The following IL12RB1 variants were observed in gnomAD, a reference collection of about 807,000 sequenced individuals.
IL12RB1 encodes the protein interleukin 12 receptor subunit beta 1.
A neutral mutation model predicts 94.4 loss-of-function variants in IL12RB1; 64 were observed. That is an observed-to-expected ratio of 0.68 (90% CI 0.55 to 0.83). IL12RB1 has a LOEUF of 0.83. IL12RB1 is among the 40% of genes least tolerant of loss of function. The pLI is 0.00. For missense variants in IL12RB1, 814 were observed against 855.6 expected, an observed-to-expected ratio of 0.95 and a Z score of 0.61; for synonymous variants, 362 against 355.5, an observed-to-expected ratio of 1.02 and a Z score of -0.21.
At chr19:18,079,045 A>G (rs905149819) in intron 4 of IL12RB1, among the ~76,000 whole-genome samples, 1 of 151,972 alleles carries the variant, frequency 6.6e-6, no homozygotes, top group Non-Finnish European at 1.5e-5. Context: ...TTAAAAATAT[A>G]TATACATATC....
chr19:18,071,362 C>T (rs1015980202), intron 9 of IL12RB1: 5 of 1,017,108 alleles, frequency 4.9e-6, no homozygotes, highest in Non-Finnish European at 5.4e-6. Context: ...GAAATTAGAT[C>T]TTAAATAAAC....
intron 7 of IL12RB1, among the ~76,000 whole-genome samples, chr19:18,074,200 CAG>C (rs2035280991): frequency 6.6e-6 from 1 of 152,140 alleles, no homozygotes; most frequent in South Asian, 2.1e-4. Context: ...AGACTAGAGA[CAG>C]AGTCTCGTTT....
intron 10 of IL12RB1, 21 bp downstream of exon 10, chr19:18,069,525 C>T (rs749610734): frequency 8.2e-6 from 13 of 1,590,710 alleles, no homozygotes; most frequent in Non-Finnish European, 9.4e-6. Context: ...GGGGTAGGCG[C>T]AGGCCATTCC....
At chr19:18,061,296 T>C in intron 14 of IL12RB1, 99 bp from the exon 15 acceptor site, 1 of 624,384 alleles carries the variant, frequency 1.6e-6, no homozygotes, top group East Asian at 2.8e-5. Context: ...AGTGGCGCGA[T>C]CTCGGCTCAC....
At position 18,086,884 on chromosome 19, in the gene IL12RB1, C is replaced by T; in HGVS notation, c.-61G>A. Reference sequence around the variant, plus strand: ...CTCTCTGCCACCTGCGAGGTTCAGCCACCCCGTCCCCACTCCGGAACACAT... The same window carrying T: ...CTCTCTGCCACCTGCGAGGTTCAGCTACCCCGTCCCCACTCCGGAACACAT... On this transcript the variant is annotated 5_prime_UTR_variant, in exon 1 of 17. The change creates a premature stop within an existing upstream ORF in the 5' untranslated region. Coordinates refer to ENST00000593993, the MANE Select transcript of IL12RB1 (RefSeq NM_005535.3). The T allele has an allele frequency of 1.3e-6, 2 of 1,581,658 alleles. No homozygotes were observed. The highest frequency in any genetic ancestry group is 1.7e-6 in the Non-Finnish European group (2 of 1,163,030).
intron 1 of IL12RB1, among the ~76,000 whole-genome samples, chr19:18,093,826 C>G (rs2036755732): frequency 6.6e-6 from 1 of 152,152 alleles, no homozygotes; most frequent in African/African-American, 2.4e-5. Context: ...GCCTGAAGTT[C>G]ACTTAGTGTA....
At chr19:18,080,252 G>T (rs978825008) in intron 4 of IL12RB1, among the ~76,000 whole-genome samples, 2 of 151,552 alleles carry the variant, frequency 1.3e-5, no homozygotes, top group African/African-American at 4.8e-5. Flanking sequence ...TGTTGCTGTT[G>T]TTTTTTAGAT....
chr19:18,073,538 C>A lies in IL12RB1; in HGVS notation c.762G>T (p.Arg254Ser). 6.2e-7 allele frequency: 1 copy of A among 1,611,676 alleles called. No individual in the cohort carries two copies. The highest frequency in any genetic ancestry group is 8.5e-7 in the Non-Finnish European group (1 of 1,177,912). Residue 254 changes from arginine (R) to serine (S), a missense_variant, in exon 8 of 17, where the codon AGG (arginine) becomes AGT (serine). Arg to Ser is a moderately radical substitution (Grantham distance 110). Coordinates refer to ENST00000593993, the MANE Select transcript of IL12RB1 (RefSeq NM_005535.3). ...TTACCTGCTCTTTCAGGGTCAGCCGCCTCCTCCCATCCTGGCCCAGCTGCT... is the reference window on the plus strand; with the variant it reads ...TTACCTGCTCTTTCAGGGTCAGCCGACTCCTCCCATCCTGGCCCAGCTGCT... The part of the protein sequence containing the change: ...SVEQLGQDGR[R>S]RLTLKEQPTQ...
chr19:18,077,943 T>C (rs961813535), intron 4 of IL12RB1, among the ~76,000 whole-genome samples: 2 of 152,112 alleles, frequency 1.3e-5, no homozygotes, highest in Non-Finnish European at 2.9e-5. Context: ...TGAGACCCCC[T>C]CATCTCTACA....
chr19:18,084,676 TCC>T (rs1407111809), intron 1 of IL12RB1, among the ~76,000 whole-genome samples: 9 of 151,930 alleles, frequency 5.9e-5, no homozygotes, highest in African/African-American at 1.9e-4. Context: ...CATCCATCCA[TCC>T]ATCCATCCAT....
rs773211120 is a variant in IL12RB1 at position 18,086,905 on chromosome 19, C to T, written c.-82G>A. 2.2e-5 allele frequency: 35 copies of T among 1,570,990 alleles called. No homozygotes were observed. The highest frequency in any genetic ancestry group is 2.7e-5 in the African/African-American group (2 of 73,322). ...CAGCCACCCCGTCCCCACTCCGGAA[C>T]ACATTGAAGCTGAGCAAGGAGAAAA... is the stretch of plus-strand genomic sequence containing the variant. On this transcript the variant is annotated 5_prime_UTR_variant, in exon 1 of 17. Coordinates refer to ENST00000593993, the MANE Select transcript of IL12RB1 (RefSeq NM_005535.3).
intron 15 of IL12RB1, 133 bp downstream of exon 15, chr19:18,060,989 G>A: frequency 1.6e-6 from 1 of 623,578 alleles, no homozygotes; most frequent in Non-Finnish European, 3.0e-6. Context: ...TTTAAAATGG[G>A]AAGGGGTATG....
chr19:18,064,183 A>G (rs1473108827), intron 12 of IL12RB1, among the ~76,000 whole-genome samples, 173 bp from the exon 13 acceptor site: 2 of 123,446 alleles, frequency 1.6e-5, no homozygotes, highest in East Asian at 4.7e-4. Context: ...TCTGTCGCCC[A>G]GGCTGGAGTG....
At chr19:18,071,753 C>T (rs1222177969) in intron 9 of IL12RB1, among the ~76,000 whole-genome samples, 1 of 152,046 alleles carries the variant, frequency 6.6e-6, no homozygotes, top group Non-Finnish European at 1.5e-5. Flanking sequence ...CTCACTGCAA[C>T]CTCTGGCTCC....
intron 1 of IL12RB1, chr19:18,097,782 A>T: frequency 8.2e-7 from 1 of 1,213,352 alleles, no homozygotes; most frequent in Non-Finnish European, 1.0e-6. Flanking sequence ...GGCGGCGCGG[A>T]CTCCCGGGCC....
At chr19:18,061,475 C>T (rs1477530273) in intron 14 of IL12RB1, among the ~76,000 whole-genome samples, 1 of 152,114 alleles carries the variant, frequency 6.6e-6, no homozygotes, top group African/African-American at 2.4e-5. Flanking sequence ...AGCGATCTGC[C>T]TGCCTCAGCC....
chr19:18,062,156 G>A, intron 14 of IL12RB1, 25 bp downstream of exon 14: 2 of 1,468,306 alleles, frequency 1.4e-6, no homozygotes, highest in East Asian at 4.5e-5. Context: ...CCATCGCTAT[G>A]GTAACGGTAA....
At chr19:18,066,044 T>TAA (rs76051228) in intron 12 of IL12RB1, among the ~76,000 whole-genome samples, 1 of 131,914 alleles carries the variant, frequency 7.6e-6, no homozygotes, top group East Asian at 2.3e-4. Context: ...TCTATAAAAT[T>TAA]AAAAAAAAAA....
chr19:18,097,656 GC>G (rs2037070405), intron 1 of IL12RB1: 1 of 425,498 alleles, frequency 2.4e-6, no homozygotes, highest in East Asian at 4.7e-5. Context: ...TGGGGGCGGG[GC>G]CCTGTGGTCG....
Sources: allele counts gnomAD v4.1 joint callset (sites outside exome capture counted in the v4.1 genomes callset), GRCh38; gene constraint gnomAD v4.1.1; transcripts MANE v1.5; gene names NCBI Gene and HGNC (gene_info 2026-07-23, HGNC 2026-07-21).